The following PYROXD2 variants were observed in gnomAD, a reference collection of about 807,000 sequenced individuals.
PYROXD2 encodes pyridine nucleotide-disulphide oxidoreductase domain 2.
PYROXD2 carries 69 observed loss-of-function variants against 71.1 expected under a neutral mutation model. The observed-to-expected ratio is 0.97, with a 90% confidence interval of 0.80 to 1.19. PYROXD2 has a LOEUF of 1.19. Among genes scored for constraint, PYROXD2 ranks in the 50% most tolerant of loss-of-function variants. The pLI, the probability that PYROXD2 is intolerant of heterozygous loss-of-function variation, is 0.00. For missense variants in PYROXD2, 745 were observed against 748.9 expected (o/e 0.99, Z 0.06); for synonymous variants, 287 against 302.7 (o/e 0.95, Z 0.54).
At position 98,383,703 on chromosome 10, in the gene PYROXD2, A is replaced by T; in HGVS notation, c.*95T>A. ...CTTGAGCATTGTGGTGGCCTTATGT[A>T]CTAACCCGAAGCTGAACTTCCTGGG... On this transcript the variant is annotated 3_prime_UTR_variant, in exon 16 of 16. Transcript: ENST00000370575. 9.8e-7 allele frequency: 1 copy of T among 1,025,222 alleles called. No homozygotes were observed. The highest frequency in any genetic ancestry group is 1.6e-6 in the Non-Finnish European group (1 of 644,064). 63.5% of individuals were successfully genotyped at this position (1,025,222 alleles called of 1,614,324 possible).
In PYROXD2 at chr10:98,388,403, A is replaced by G. The variant is rs945250313; in HGVS notation, c.1398T>C (p.Ala466=). 6.2e-7 allele frequency: 1 copy of G among 1,613,634 alleles called. No individual in the cohort carries two copies. Among genetic ancestry groups the G allele is most frequent in the Non-Finnish European group, 8.5e-7 (1 of 1,179,920 alleles). ...LFTQYMPYTL[A]GGKAWDEQER... is the part of the protein sequence containing the mutation. Reference sequence around the variant, plus strand: ...CCTGCTCGTCCCAGGCCTTGCCTCCAGCCAGCGTATAGGGCATGTACTGAG... The same window carrying G: ...CCTGCTCGTCCCAGGCCTTGCCTCCGGCCAGCGTATAGGGCATGTACTGAG... Residue 466 remains alanine (A), a synonymous_variant, in exon 13 of 16, where the codon GCT becomes GCC. Coordinates refer to ENST00000370575, the MANE Select transcript of PYROXD2 (RefSeq NM_032709.3).
In PYROXD2 at chr10:98,388,338, G is replaced by T; in HGVS notation, c.1447+16C>A. ...CCGGCTGTGGCTCTGGAGGCAGAACGTGCAGCTGTCTTTACCTCTGTCTGC... is the reference window on the plus strand; with the variant it reads ...CCGGCTGTGGCTCTGGAGGCAGAACTTGCAGCTGTCTTTACCTCTGTCTGC... On this transcript the variant is annotated intron_variant, in intron 13 of 15. Coordinates refer to ENST00000370575, the MANE Select transcript of PYROXD2 (RefSeq NM_032709.3). 6.2e-7 allele frequency: 1 copy of T among 1,613,470 alleles called. No homozygotes were observed.
chr10:98,400,148 G>T lies in PYROXD2; in HGVS notation c.425C>A (p.Ala142Glu), dbSNP rs770966420. The change falls in exon 5 of 16, where the codon GCA (alanine) becomes GAA (glutamate). Residue 142 changes from alanine (A) to glutamate (E), a missense_variant. Physicochemically the swap from Ala to Glu is moderately radical, Grantham distance 107. Transcript: ENST00000370575. Reference protein sequence around the residue: ...PRCLLLGTDMAENQKQIAQFS... With the variant: ...PRCLLLGTDMEENQKQIAQFS... ...CTGGGCGATCTGCTTCTGGTTTTCTGCCATGTCTGTGCCCAGCAGAAGGCA... is the reference window on the plus strand; with the variant it reads ...CTGGGCGATCTGCTTCTGGTTTTCTTCCATGTCTGTGCCCAGCAGAAGGCA... The T allele has an allele frequency of 6.2e-7, 1 of 1,613,860 alleles. No homozygotes were observed. Among genetic ancestry groups the T allele is most frequent in the Admixed American group, 1.7e-5 (1 of 59,986 alleles).
At chr10:98,411,083 C>G in intron 1 of PYROXD2, 125 bp from the exon 2 acceptor site, 1 of 1,347,218 alleles carries the variant, frequency 7.4e-7, no homozygotes, top group South Asian at 1.4e-5. Flanking sequence ...TGACCCTCCC[C>G]TCCCCTTCCC....
chr10:98,392,946 T>G lies in PYROXD2; in HGVS notation c.923A>C (p.Glu308Ala), dbSNP rs763153458. The G allele has an allele frequency of 2.3e-5, 37 of 1,613,416 alleles. No individual in the cohort carries two copies. The highest frequency in any genetic ancestry group is 3.0e-5 in the Non-Finnish European group (35 of 1,179,704). Residue 308 changes from glutamate to alanine, a missense_variant, in exon 9 of 16, where the codon GAA (glutamate) becomes GCA (alanine). Coordinates refer to ENST00000370575, the MANE Select transcript of PYROXD2 (RefSeq NM_032709.3). ...ATTHGASIFT[E>A]KTVAKVQVNS... The stretch of plus-strand genomic sequence containing the variant: ...TGGGGTAGAGGGGCCGTTCACCTTT[T>G]CAGTGAAGATGCTTGCTCCATGTGT...
intron 6 of PYROXD2, among the ~76,000 whole-genome samples, chr10:98,395,933 G>C (rs150197871): frequency 3.3e-5 from 5 of 152,262 alleles, no homozygotes; most frequent in African/African-American, 1.2e-4. Flanking sequence ...AGGCCTTCAG[G>C]GTAGAAATCA....
intron 4 of PYROXD2, among the ~76,000 whole-genome samples, chr10:98,403,472 C>G (rs905587445): frequency 6.6e-6 from 1 of 152,230 alleles, no homozygotes; most frequent in Non-Finnish European, 1.5e-5. Flanking sequence ...TGATCACACA[C>G]CTCACTGGCT....
intron 9 of PYROXD2, 138 bp from the exon 10 acceptor site, chr10:98,392,704 G>T: frequency 7.1e-7 from 1 of 1,409,876 alleles, no homozygotes; most frequent in Non-Finnish European, 9.5e-7. Flanking sequence ...AAGTTCTGCA[G>T]CTTCTCCATG....
rs1842784546 is a variant in PYROXD2, at chr10:98,387,263, C to T, written c.1492G>A (p.Val498Met). 6.2e-7 allele frequency: 1 copy of T among 1,614,174 alleles called. No homozygotes were observed. The highest frequency in any genetic ancestry group is 8.5e-7 in the Non-Finnish European group (1 of 1,180,030). Residue 498 changes from valine (V) to methionine (M), a missense_variant, in exon 14 of 16, where the codon GTG becomes ATG. Val to Met is a conservative substitution (Grantham distance 21). Coordinates refer to ENST00000370575, the MANE Select transcript of PYROXD2 (RefSeq NM_032709.3). Reference protein sequence around the residue: ...EVYAPGFKDSVVGRDILTPPD... With the variant: ...EVYAPGFKDSMVGRDILTPPD... ...GGTGTGAGGATGTCTCTGCCAACCACAGAGTCCTTGAAGCCAGGGGCATAG... is the reference window on the plus strand; with the variant it reads ...GGTGTGAGGATGTCTCTGCCAACCATAGAGTCCTTGAAGCCAGGGGCATAG...
intron 5 of PYROXD2, among the ~76,000 whole-genome samples, chr10:98,399,641 T>A (rs1843320573): frequency 6.6e-6 from 1 of 152,224 alleles, no homozygotes; most frequent in African/African-American, 2.4e-5. Flanking sequence ...GAATAAATAT[T>A]TAGAACTCTC....
intron 8 of PYROXD2, among the ~76,000 whole-genome samples, chr10:98,394,559 CA>C (rs1843085305): frequency 6.6e-6 from 1 of 151,884 alleles, no homozygotes; most frequent in African/African-American, 2.4e-5. Context: ...CACACACACA[CA>C]CACACACACA....
intron 6 of PYROXD2, 147 bp downstream of exon 6, chr10:98,397,198 A>G: frequency 9.0e-7 from 1 of 1,106,258 alleles, no homozygotes; most frequent in Non-Finnish European, 1.3e-6. Context: ...AAAGTGCTCC[A>G]GGCTGCCCCT....
Position 98,392,472 on chromosome 10 carries a change from T to C in PYROXD2, c.1022A>G (p.Asn341Ser), listed in dbSNP as rs751689231. 6.2e-7 allele frequency: 1 copy of C among 1,613,934 alleles called. No homozygotes were observed. Among genetic ancestry groups the C allele is most frequent in the South Asian group, 1.1e-5 (1 of 91,084 alleles). ...CAGGAAGGTGATCTGCGGTGATGTG[T>C]TGGACAGCACCATTTTGCTTCTCAC... ...TEVRSKMVLS[N>S]TSPQITFLKL... Residue 341 changes from asparagine to serine, a missense_variant, in exon 10 of 16, where the codon AAC becomes AGC. Transcript: ENST00000370575.
chr10:98,412,066 A>G (rs1284849585), intron 1 of PYROXD2, among the ~76,000 whole-genome samples: 5 of 152,204 alleles, frequency 3.3e-5, no homozygotes, highest in Admixed American at 6.5e-5. Context: ...AGCTGCCCTG[A>G]GCCTTGAGTT....
Position 98,395,759 on chromosome 10 carries a change from C to T in PYROXD2, c.626-307G>A, listed in dbSNP as rs552697659. 5.3e-5 allele frequency among the ~76,000 whole-genome samples: 8 copies of T among 152,312 alleles called. No individual in the cohort carries two copies. The East Asian group carries it at 1.5e-3, about 29-fold the overall frequency. ...TAAAGCATTTGCAAGTTCATGGGTA[C>T]TTAATACATTTAAGCAGTTAGCATT... On this transcript the variant is annotated intron_variant, in intron 6 of 15. Transcript: ENST00000370575.
intron 4 of PYROXD2, among the ~76,000 whole-genome samples, chr10:98,403,350 G>A (rs1348283648): frequency 1.3e-5 from 2 of 152,240 alleles, no homozygotes; most frequent in African/African-American, 4.8e-5. Flanking sequence ...GGGAACCGCT[G>A]CAGCGGCGGC....
At position 98,392,531 on chromosome 10, in the gene PYROXD2, A is replaced by G. The variant is rs1161359083; in HGVS notation, c.963T>C (p.Cys321=). 1 of 1,613,252 alleles carries G rather than the reference A, an allele frequency of 6.2e-7. No individual in the cohort carries two copies. Among genetic ancestry groups the G allele is most frequent in the Non-Finnish European group, 8.5e-7 (1 of 1,180,026 alleles). ...VAKVQVNSEG[C]VQGVVLEDGT... is the part of the protein sequence containing the mutation. ...CATCTTCCAGCACAACTCCTTGAAC[A>G]CAGCCTTCACTGTTCACCTGCACCT... The change falls in exon 10 of 16, where the codon TGT becomes TGC. Residue 321 remains cysteine (C), a synonymous_variant. Transcript: ENST00000370575.
chr10:98,401,839 A>G (rs1843422441), intron 4 of PYROXD2, among the ~76,000 whole-genome samples: 1 of 152,132 alleles, frequency 6.6e-6, no homozygotes, highest in South Asian at 2.1e-4. Context: ...TCTCCTAGAG[A>G]GCAATGCCTT....
In PYROXD2 at chr10:98,383,586, T is replaced by G; in HGVS notation, c.*212A>C. On this transcript the variant is annotated 3_prime_UTR_variant, in exon 16 of 16. Coordinates refer to ENST00000370575, the MANE Select transcript of PYROXD2 (RefSeq NM_032709.3). ...AAAATAATCTGTATGAAATATTAGT[T>G]TTAATAAAACAGAACCAGTCCATGT... 1 of 602,742 alleles carries G rather than the reference T, an allele frequency of 1.7e-6. No individual in the cohort carries two copies. The allele number at this position is 602,742 out of a possible 1,614,324, so 37.3% of individuals were successfully genotyped here.
Sources: allele counts gnomAD v4.1 joint callset (sites outside exome capture counted in the v4.1 genomes callset), GRCh38; gene constraint gnomAD v4.1.1; transcripts MANE v1.5; gene names NCBI Gene and HGNC (gene_info 2026-07-23, HGNC 2026-07-21).